Variants in LDLRAD4 observed in about 807,000 individuals in gnomAD.
LDLRAD4 encodes low density lipoprotein receptor class A domain containing 4.
Under a neutral mutation model 17.0 loss-of-function variants are expected in LDLRAD4, and 5 were observed. That is an observed-to-expected ratio of 0.29 (90% CI 0.15 to 0.62). LDLRAD4 has a LOEUF of 0.62. LDLRAD4 is among the 20% of genes least tolerant of loss of function. LDLRAD4 has a pLI of 0.84. For synonymous variants in LDLRAD4, 168 were observed against 171.8 expected (o/e 0.98, Z 0.17); for missense variants, 340 against 424.7 (o/e 0.80, Z 1.75).
intron 1 of LDLRAD4, among the ~76,000 whole-genome samples, chr18:13,281,537 A>C (rs965497802): frequency 9.2e-5 from 14 of 152,332 alleles, no homozygotes; most frequent in African/African-American, 3.4e-4. Flanking sequence ...TGGTTCCTGC[A>C]GGGGGTGCCC....
At chr18:13,303,107 G>T (rs1243470979) in intron 1 of LDLRAD4, among the ~76,000 whole-genome samples, 1 of 152,252 alleles carries the variant, frequency 6.6e-6, no homozygotes, top group African/African-American at 2.4e-5. Context: ...CCTCAGAGCT[G>T]CCCACAGGGA....
chr18:13,335,984 A>T (rs2082082775), intron 1 of LDLRAD4, among the ~76,000 whole-genome samples: 1 of 152,228 alleles, frequency 6.6e-6, no homozygotes, highest in African/African-American at 2.4e-5. Flanking sequence ...TACAAGAAGC[A>T]TGGTGTCAGC....
At chr18:13,247,331 A>G (rs1263782952) in intron 1 of LDLRAD4, among the ~76,000 whole-genome samples, 3 of 150,952 alleles carry the variant, frequency 2.0e-5, no homozygotes, top group Non-Finnish European at 4.4e-5. Flanking sequence ...ATATGTAATC[A>G]TGGCACGCGT....
chr18:13,278,246 C>A (rs1016150863), intron 1 of LDLRAD4, 58 bp downstream of exon 2: 1 of 152,292 alleles, frequency 6.6e-6, no homozygotes, highest in African/African-American at 2.4e-5. Flanking sequence ...CAGAGCTTGT[C>A]GCGGCAGGAG....
intron 3 of LDLRAD4, among the ~76,000 whole-genome samples, chr18:13,569,649 C>G (rs2094657671): frequency 6.6e-6 from 1 of 152,162 alleles, no homozygotes; most frequent in African/African-American, 2.4e-5. Context: ...TTTGGGAGGC[C>G]AAGTTGGGCA....
chr18:13,497,688 G>A (rs1272132491), intron 3 of LDLRAD4, among the ~76,000 whole-genome samples: 1 of 152,212 alleles, frequency 6.6e-6, no homozygotes, highest in Non-Finnish European at 1.5e-5. Context: ...ATATGGGGGA[G>A]CCTTAATTTT....
chr18:13,429,653 A>T (rs2090193189), intron 2 of LDLRAD4, among the ~76,000 whole-genome samples: 1 of 152,262 alleles, frequency 6.6e-6, no homozygotes, highest in Non-Finnish European at 1.5e-5. Context: ...TTAGAACATA[A>T]GACTTTTAGG....
At chr18:13,226,122 GGCATCCTCT>G (rs2041773005) in intron 1 of LDLRAD4, among the ~76,000 whole-genome samples, 1 of 146,970 alleles carries the variant, frequency 6.8e-6, no homozygotes, top group Non-Finnish European at 1.5e-5. Context: ...TCAGGCTTGT[GGCATCCTCT>G]GCCCTCAGCC....
chr18:13,606,602 A>G (rs1386962888), intron 3 of LDLRAD4, among the ~76,000 whole-genome samples: 1 of 152,206 alleles, frequency 6.6e-6, no homozygotes, highest in African/African-American at 2.4e-5. Flanking sequence ...TTCCAAGGAT[A>G]CGCTAGAAGA....
intron 1 of LDLRAD4, among the ~76,000 whole-genome samples, chr18:13,348,070 C>G (rs1246938638): frequency 6.6e-6 from 1 of 152,242 alleles, no homozygotes; most frequent in African/African-American, 2.4e-5. Flanking sequence ...CTTTTCTCAA[C>G]TCGTCAAAGT....
intron 3 of LDLRAD4, among the ~76,000 whole-genome samples, chr18:13,618,661 A>G (rs2040305897): frequency 1.3e-5 from 2 of 152,210 alleles, no homozygotes; most frequent in South Asian, 4.1e-4. Context: ...GTTCTCTTGT[A>G]AAGAAAACAT....
chr18:13,229,504 ACAGT>A (rs1307175378), intron 1 of LDLRAD4, among the ~76,000 whole-genome samples: 2 of 152,214 alleles, frequency 1.3e-5, no homozygotes, highest in Admixed American at 6.5e-5. Flanking sequence ...CTGCACTGGC[ACAGT>A]CAGAGACCCA....
intron 3 of LDLRAD4, among the ~76,000 whole-genome samples, chr18:13,537,269 G>A (rs189442424): frequency 2.1e-4 from 32 of 152,232 alleles, no homozygotes; most frequent in Admixed American, 2.0e-3. Context: ...AAACCTAGAT[G>A]GTATAGCTGA....
chr18:13,605,269 G>C (rs1434633858), intron 3 of LDLRAD4, among the ~76,000 whole-genome samples: 1 of 152,244 alleles, frequency 6.6e-6, no homozygotes, highest in Non-Finnish European at 1.5e-5. Context: ...GCAAGCTGGG[G>C]TGCATTGGCA....
At chr18:13,472,581 C>T (rs1422597463) in intron 3 of LDLRAD4, 1 of 152,266 alleles carries the variant, frequency 6.6e-6, no homozygotes, top group East Asian at 1.9e-4. Flanking sequence ...TGGCGGCCTC[C>T]TCTGTCCTGT....
At chr18:13,375,827 C>T (rs997767423) in intron 1 of LDLRAD4, among the ~76,000 whole-genome samples, 1 of 152,132 alleles carries the variant, frequency 6.6e-6, no homozygotes, top group Non-Finnish European at 1.5e-5. Context: ...TCCTCCCGCC[C>T]GCCAGCGCCT....
At position 13,393,498 on chromosome 18, in the gene LDLRAD4, A is replaced by T. The variant is rs73954277; in HGVS notation, c.40+5736A>T. Among the ~76,000 whole-genome samples the T allele has an allele frequency of 3.1e-3, 466 of 152,274 alleles. 3 individuals are homozygous for T. The highest frequency in any genetic ancestry group is 0.011 in the African/African-American group (442 of 41,564). On this transcript the variant is annotated intron_variant, in intron 2 of 5. Transcript: ENST00000359446. ...TTGGGGGTCGCCTCCTGCCATCTGC[A>T]GCTCCCGTGTGCCTGTCCCACCTGC...
At chr18:13,533,651 C>G (rs1418600811) in intron 3 of LDLRAD4, among the ~76,000 whole-genome samples, 1 of 152,184 alleles carries the variant, frequency 6.6e-6, no homozygotes, top group African/African-American at 2.4e-5. Context: ...TACCATGAAG[C>G]AGTAGTCCAT....
Position 13,357,958 on chromosome 18 carries a change from A to G in LDLRAD4, c.-382-29383A>G, listed in dbSNP as rs181524889. 4.5e-4 allele frequency among the ~76,000 whole-genome samples: 68 copies of G among 152,258 alleles called. 2 individuals are homozygous for G. The East Asian group carries it at 0.012, about 26-fold the overall frequency. On this transcript the variant is annotated intron_variant, in intron 1 of 5. Coordinates refer to ENST00000359446, the Ensembl canonical transcript of LDLRAD4. ...ACAATTATTATTATTACTGAAGTTC[A>G]AACTATCCTATCCCTGACCAGTGAA...
Sources: gnomAD v4.1 joint callset for allele counts (sites outside exome capture counted in the v4.1 genomes callset) on GRCh38, gnomAD v4.1.1 for gene constraint, MANE v1.5 for transcripts, NCBI Gene and HGNC (gene_info 2026-07-23, HGNC 2026-07-21) for gene names.